The following HHLA1 variants were observed in gnomAD, a reference collection of about 807,000 sequenced individuals.
HHLA1 encodes the protein HHLA1 neighbor of OC90.
In HHLA1, 72 loss-of-function variants were observed where a neutral mutation model predicts 69.9. That is an observed-to-expected ratio of 1.03 (90% CI 0.85 to 1.25). The LOEUF (loss-of-function observed/expected upper bound fraction) is 1.25, where lower values mean the gene tolerates loss of function less well. HHLA1 is among the 50% of genes most tolerant of loss of function. The pLI is 0.00. For synonymous variants in HHLA1, 252 were observed against 233.2 expected, an observed-to-expected ratio of 1.08 and a Z score of -0.73; for missense variants, 685 against 642.2, an observed-to-expected ratio of 1.07 and a Z score of -0.72.
chr8:132,089,542 A>G lies in HHLA1; in HGVS notation c.506T>C (p.Ile169Thr). ...IGNSTSYLTE[I>T]FKSTSILSVN... ...TGAGAGGATGGAGGTTGACTTAAAA[A>G]TCTCTGTGAGGTAGCTGGTAGAATT... The change falls in exon 8 of 17, where the codon ATT (isoleucine) becomes ACT (threonine). Residue 169 changes from isoleucine to threonine, a missense_variant. By Grantham distance (89) the Ile-to-Thr change is moderately conservative. Coordinates refer to ENST00000414222, the MANE Select transcript of HHLA1 (RefSeq NM_001145095.3). 1.3e-6 allele frequency: 2 copies of G among 1,531,104 alleles called. No homozygotes were observed. Among genetic ancestry groups the G allele is most frequent in the Non-Finnish European group, 1.8e-6 (2 of 1,128,180 alleles). The allele number at this position is 1,531,104 out of a possible 1,614,324, so 94.8% of individuals were successfully genotyped here. A position where few individuals can be genotyped will look rare whatever the true frequency, so the allele number is the denominator to read the frequency against.
chr8:132,087,592 G>T (rs1207870275), intron 10 of HHLA1, 61 bp downstream of exon 10: 12 of 1,037,418 alleles, frequency 1.2e-5, no homozygotes, highest in Non-Finnish European at 1.6e-5. Flanking sequence ...AGTCATTAGT[G>T]TGCCAGGTGG....
intron 16 of HHLA1, 107 bp from the exon 17 acceptor site, chr8:132,064,145 A>G: frequency 1.7e-6 from 1 of 582,516 alleles, no homozygotes; most frequent in Non-Finnish European, 2.7e-6. Flanking sequence ...CCTCTTCCGG[A>G]GAGCAAGTGT....
chr8:132,102,520 G>C (rs939614917), intron 3 of HHLA1, among the ~76,000 whole-genome samples: 2 of 152,224 alleles, frequency 1.3e-5, no homozygotes, highest in African/African-American at 4.8e-5. Context: ...TGTCTAGCTT[G>C]AGTGAGGCCA....
chr8:132,102,340 C>A (rs987164073), intron 3 of HHLA1, among the ~76,000 whole-genome samples: 6 of 152,188 alleles, frequency 3.9e-5, no homozygotes, highest in Admixed American at 1.3e-4. Flanking sequence ...TGGCCTTTTG[C>A]CAATTGCCAA....
At chr8:132,094,242 T>C (rs1475254608) in intron 7 of HHLA1, among the ~76,000 whole-genome samples, 1 of 152,208 alleles carries the variant, frequency 6.6e-6, no homozygotes, top group Non-Finnish European at 1.5e-5. Flanking sequence ...TGGTTGCCTT[T>C]AGTGCTTGCT....
chr8:132,088,303 G>C (rs1310023012), intron 8 of HHLA1, among the ~76,000 whole-genome samples: 2 of 152,104 alleles, frequency 1.3e-5, no homozygotes, highest in African/African-American at 4.8e-5. Flanking sequence ...TGTGAGCTTG[G>C]TACCCAAATT....
rs139995559 is a variant in HHLA1, at chr8:132,089,515, C to A, written c.532+1G>T. ...CCAAAGCGTTTTCAAGATGAACACA[C>A]CTGAGAGGATGGAGGTTGACTTAAA... On this transcript the variant is annotated splice_donor_variant, in intron 8 of 16. Transcript: ENST00000414222. LOFTEE classifies it high-confidence loss of function. 8 of 1,482,422 alleles carry A rather than the reference C, an allele frequency of 5.4e-6. No homozygotes were observed. The East Asian group carries it at 2.0e-4, about 36-fold the overall frequency. 91.8% of individuals were successfully genotyped at this position (1,482,422 alleles called of 1,614,324 possible). A position where few individuals can be genotyped will look rare whatever the true frequency, so the allele number is the denominator to read the frequency against.
Position 132,063,807 on chromosome 8 carries a change from A to G in HHLA1, c.*188T>C, listed in dbSNP as rs1194006408. On this transcript the variant is annotated 3_prime_UTR_variant, in exon 17 of 17. Transcript: ENST00000414222. ...CTCTAACAAGAAAACTTCTACCTTC[A>G]ATGTTTTGCACAGATTCACAGGAGA... is the stretch of plus-strand genomic sequence containing the variant. 1 of 214,432 alleles carries G rather than the reference A, an allele frequency of 4.7e-6. No individual in the cohort carries two copies. Among genetic ancestry groups the G allele is most frequent in the Non-Finnish European group, 1.0e-5 (1 of 98,704 alleles). The allele number at this position is 214,432 out of a possible 1,614,324, so 13.3% of individuals were successfully genotyped here. A position where few individuals can be genotyped will look rare whatever the true frequency, so the allele number is the denominator to read the frequency against.
intron 7 of HHLA1, 74 bp downstream of exon 7, chr8:132,095,445 A>G: frequency 1.0e-6 from 1 of 994,516 alleles, no homozygotes; most frequent in Admixed American, 2.1e-5. Context: ...TACATTGAGG[A>G]AAAACAAAAA....
intron 1 of HHLA1, among the ~76,000 whole-genome samples, chr8:132,108,615 C>A (rs191999752): frequency 1.1e-4 from 16 of 152,076 alleles, no homozygotes; most frequent in Admixed American, 2.6e-4. Context: ...AATATGCCAG[C>A]CAAAATATAC....
intron 1 of HHLA1, among the ~76,000 whole-genome samples, chr8:132,110,696 CTG>C (rs1218662553): frequency 2.8e-4 from 42 of 152,222 alleles, no homozygotes; most frequent in African/African-American, 9.6e-4. Flanking sequence ...AGGTTGAACA[CTG>C]AGTAAGGAAA....
In HHLA1 at chr8:132,077,926, T is replaced by G. The variant is rs891777236; in HGVS notation, c.971A>C (p.Gln324Pro). The change falls in exon 12 of 17, where the codon CAG (glutamine) becomes CCG (proline). Residue 324 changes from glutamine (Q) to proline (P), a missense_variant. By Grantham distance (76) the Gln-to-Pro change is moderately conservative (BLOSUM62 -1). Transcript: ENST00000414222. ...CACGGACGATATGGAAGCCCACGTCTGTCTGTCAGCTGTCAACCACTGAGT... is the reference window on the plus strand; with the variant it reads ...CACGGACGATATGGAAGCCCACGTCGGTCTGTCAGCTGTCAACCACTGAGT... ...ARTQWLTADR[Q>P]TWASISSVPW... The G allele has an allele frequency of 1.9e-6, 3 of 1,551,530 alleles. No homozygotes were observed. The highest frequency in any genetic ancestry group is 2.6e-6 in the Non-Finnish European group (3 of 1,146,960).
chr8:132,072,718 C>G (rs1483987698), intron 14 of HHLA1, among the ~76,000 whole-genome samples: 3 of 152,166 alleles, frequency 2.0e-5, no homozygotes, highest in Admixed American at 2.0e-4. Flanking sequence ...TGCGGATTGT[C>G]TGGGTAAAAA....
chr8:132,098,897 T>C lies in HHLA1; in HGVS notation c.265A>G (p.Ser89Gly), dbSNP rs1373599273. The change falls in exon 5 of 17, where the codon AGT becomes GGT. Residue 89 changes from serine (S) to glycine (G), a missense_variant. Coordinates refer to ENST00000414222, the MANE Select transcript of HHLA1 (RefSeq NM_001145095.3). ...ATATGATTACCTTTTAACGCTCTAC[T>C]GAGCATCCCATTCACAAGCTCTGTC... ...NLTELVNGML[S>G]RALKDSKKFF... The C allele has an allele frequency of 2.7e-5, 42 of 1,549,604 alleles. No homozygotes were observed. Among genetic ancestry groups the C allele is most frequent in the Non-Finnish European group, 3.7e-5 (42 of 1,145,208 alleles).
intron 14 of HHLA1, among the ~76,000 whole-genome samples, chr8:132,074,150 T>C (rs544931685): frequency 1.3e-5 from 2 of 152,330 alleles, no homozygotes; most frequent in African/African-American, 4.8e-5. Flanking sequence ...CCTTTTAAGG[T>C]ATAGTGCCTT....
At chr8:132,107,270 A>T (rs1824216910) in intron 1 of HHLA1, among the ~76,000 whole-genome samples, 1 of 152,110 alleles carries the variant, frequency 6.6e-6, no homozygotes, top group Admixed American at 6.6e-5. Context: ...TCTTCCATTT[A>T]CTAAGAGTAA....
rs1234230536 is a variant in HHLA1 at position 132,098,721 on chromosome 8, T to C, written c.280+161A>G. Among the ~76,000 whole-genome samples, 4 of 151,968 alleles carry C rather than the reference T, an allele frequency of 2.6e-5. No individual in the cohort carries two copies. In the South Asian group the frequency reaches 8.3e-4, roughly 32 times the overall value. On this transcript the variant is annotated intron_variant, in intron 5 of 16. Transcript: ENST00000414222. ...AAGCAGCTTCCCAAAGTGCTGGGAT[T>C]ACAGGCGTGAGACACTGAGCTCAGC...
At chr8:132,084,900 C>T (rs1408604275) in intron 10 of HHLA1, among the ~76,000 whole-genome samples, 3 of 151,936 alleles carry the variant, frequency 2.0e-5, no homozygotes, top group African/African-American at 7.3e-5. Context: ...CCTAGGAAAG[C>T]AGGACTTGCC....
chr8:132,086,918 G>T (rs562942823), intron 10 of HHLA1, among the ~76,000 whole-genome samples: 1 of 152,328 alleles, frequency 6.6e-6, no homozygotes, highest in South Asian at 2.1e-4. Context: ...TATGTGCAAG[G>T]CACCAAGGGG....
Sources: gnomAD v4.1 joint callset for allele counts (sites outside exome capture counted in the v4.1 genomes callset) on GRCh38, gnomAD v4.1.1 for gene constraint, MANE v1.5 for transcripts, NCBI Gene and HGNC (gene_info 2026-07-23, HGNC 2026-07-21) for gene names.